The following GPHN variants were observed in gnomAD, a reference collection of about 807,000 sequenced individuals.
The protein encoded by GPHN is gephyrin.
A neutral mutation model predicts 95.5 loss-of-function variants in GPHN; 17 were observed. The observed-to-expected ratio is 0.18, with a 90% CI of 0.12 to 0.27. GPHN has a LOEUF of 0.27. Ranked by LOEUF, GPHN falls within the 10% of genes least tolerant of loss-of-function variation. GPHN has a pLI of 1.00. For synonymous variants in GPHN, 320 were observed against 322.5 expected (o/e 0.99, Z 0.08); for missense variants, 660 against 978.1 (o/e 0.67, Z 4.34).
At chr14:67,150,457 A>AC (rs1242190457) in intron 18 of GPHN, among the ~76,000 whole-genome samples, 3,277 of 149,712 alleles carry the variant, frequency 0.022, 71 homozygotes, top group Non-Finnish European at 0.03. Flanking sequence ...AAAAAACAAA[A>AC]AAAAAAAAAA....
chr14:66,713,015 A>T (rs1004337632), intron 2 of GPHN, among the ~76,000 whole-genome samples: 1 of 151,788 alleles, frequency 6.6e-6, no homozygotes, highest in African/African-American at 2.4e-5. Context: ...TTTTTTGCTA[A>T]TTTTTTTGAG....
the GPHN span, among the ~76,000 whole-genome samples, chr14:67,566,834 G>A: frequency 0.013 from 1,980 of 151,982 alleles, 77 homozygotes; most frequent in Admixed American, 0.078. Flanking sequence ...GAGGAGAGGA[G>A]GAATGGGGAG....
the GPHN span, chr14:67,279,617 G>A: frequency 1.5e-6 from 2 of 1,333,490 alleles, no homozygotes; most frequent in Admixed American, 2.7e-5. Context: ...GAAGGAAGAG[G>A]GTTTAAGAGA....
chr14:67,137,947 C>G (rs2080198344), intron 17 of GPHN, among the ~76,000 whole-genome samples: 1 of 151,994 alleles, frequency 6.6e-6, no homozygotes. Context: ...CTGCTTAATC[C>G]AATAGCCCCT....
chr14:67,709,651 A>G, the GPHN span, among the ~76,000 whole-genome samples: 10 of 152,102 alleles, frequency 6.6e-5, no homozygotes, highest in Non-Finnish European at 1.5e-4. Context: ...AATAGCTTTA[A>G]TTTCTGGCCC....
chr14:66,619,070 GT>G (rs2063174173), intron 1 of GPHN, among the ~76,000 whole-genome samples: 1 of 151,986 alleles, frequency 6.6e-6, no homozygotes, highest in Admixed American at 6.6e-5. Flanking sequence ...GTATTTGGAG[GT>G]TTTTCATATA....
chr14:66,609,245 C>T (rs886428782), intron 1 of GPHN, among the ~76,000 whole-genome samples: 2 of 151,972 alleles, frequency 1.3e-5, no homozygotes, highest in South Asian at 4.2e-4. Flanking sequence ...GGAATTTATT[C>T]TTTTTAAGGC....
chr14:67,474,068 A>G, the GPHN span: 1 of 1,045,608 alleles, frequency 9.6e-7, no homozygotes, highest in East Asian at 2.7e-5. Context: ...CCTGGCCATC[A>G]TGGTGAAACC....
At chr14:66,644,474 T>C (rs2064617961) in intron 1 of GPHN, among the ~76,000 whole-genome samples, 1 of 152,036 alleles carries the variant, frequency 6.6e-6, no homozygotes, top group East Asian at 1.9e-4. Flanking sequence ...TCTATCCTTT[T>C]AAGGGTATTT....
At chr14:67,669,703 A>G in the GPHN span, among the ~76,000 whole-genome samples, 54 of 152,300 alleles carry the variant, frequency 3.5e-4, 3 homozygotes, top group East Asian at 3.5e-3. Context: ...TTCTTACTTA[A>G]GTTCATCATT....
In GPHN at chr14:66,899,454, T is replaced by C. The variant is rs183957720; in HGVS notation, c.390-16549T>C. 3.0e-3 allele frequency among the ~76,000 whole-genome samples: 455 copies of C among 152,074 alleles called. 3 individuals are homozygous for C. Among genetic ancestry groups the C allele is most frequent in the African/African-American group, 0.011 (437 of 41,558 alleles). On this transcript the variant is annotated intron_variant, in intron 5 of 22. Transcript: ENST00000478722. Reference sequence around the variant, plus strand: ...GTCCATCCCTTAATTTCTACATTTTTTGAGAGTTTTTATCATGGATCAGTG... The same window carrying C: ...GTCCATCCCTTAATTTCTACATTTTCTGAGAGTTTTTATCATGGATCAGTG...
At chr14:66,573,653 C>T (rs2060788395) in intron 1 of GPHN, among the ~76,000 whole-genome samples, 2 of 152,096 alleles carry the variant, frequency 1.3e-5, no homozygotes, top group Non-Finnish European at 1.5e-5. Context: ...GACGGGGTTT[C>T]ACCATGTTGG....
the GPHN span, among the ~76,000 whole-genome samples, chr14:67,409,834 C>G: frequency 6.6e-6 from 1 of 152,198 alleles, no homozygotes; most frequent in Non-Finnish European, 1.5e-5. Flanking sequence ...TGCAACTTCT[C>G]CAGTGGACAT....
chr14:67,671,784 C>T, the GPHN span, among the ~76,000 whole-genome samples: 1 of 152,114 alleles, frequency 6.6e-6, no homozygotes, highest in Admixed American at 6.5e-5. Flanking sequence ...ATGGGTCACC[C>T]CATGGCAGAA....
At chr14:66,767,526 T>G (rs1485907977) in intron 2 of GPHN, among the ~76,000 whole-genome samples, 1 of 151,516 alleles carries the variant, frequency 6.6e-6, no homozygotes, top group Non-Finnish European at 1.5e-5. Context: ...AAGTAGAAAG[T>G]GTTTTATCAG....
intron 9 of GPHN, among the ~76,000 whole-genome samples, chr14:67,019,635 C>T (rs1156458401): frequency 6.6e-6 from 1 of 152,032 alleles, no homozygotes; most frequent in East Asian, 1.9e-4. Context: ...TTCTTTGTTT[C>T]TCTCCTCCCT....
chr14:66,801,945 T>C (rs1262095848), intron 3 of GPHN, among the ~76,000 whole-genome samples: 2 of 152,178 alleles, frequency 1.3e-5, no homozygotes, highest in Non-Finnish European at 2.9e-5. Context: ...CTTGCTCAAG[T>C]CCTGCTAGAA....
the GPHN span, among the ~76,000 whole-genome samples, chr14:67,325,141 G>T: frequency 6.6e-6 from 1 of 151,886 alleles, no homozygotes; most frequent in Admixed American, 6.6e-5. Flanking sequence ...TCCTGACCTT[G>T]TGATCCACCC....
intron 3 of GPHN, among the ~76,000 whole-genome samples, chr14:66,810,967 C>T (rs1213964413): frequency 6.6e-6 from 1 of 152,096 alleles, no homozygotes; most frequent in Non-Finnish European, 1.5e-5. Context: ...AACAGTTTGT[C>T]AATGTGAAAA....
Sources: allele counts gnomAD v4.1 joint callset (sites outside exome capture counted in the v4.1 genomes callset), GRCh38; gene constraint gnomAD v4.1.1; transcripts MANE v1.5; gene names NCBI Gene and HGNC (gene_info 2026-07-23, HGNC 2026-07-21).